Variants in ANKS1B observed in about 807,000 individuals in gnomAD.
The protein encoded by ANKS1B is ankyrin repeat and sterile alpha motif domain-containing protein 1B.
A neutral mutation model predicts 148.3 loss-of-function variants in ANKS1B; 36 were observed. The observed-to-expected ratio is 0.24, with a 90% CI of 0.19 to 0.32. The LOEUF is 0.32. Among genes scored for constraint, ANKS1B ranks in the 10% least tolerant of loss-of-function variants. ANKS1B has a pLI of 1.00. For synonymous variants in ANKS1B, 542 were observed against 560.8 expected, an observed-to-expected ratio of 0.97 and a Z score of 0.47; for missense variants, 1,157 against 1,542.6, an observed-to-expected ratio of 0.75 and a Z score of 4.19.
intron 10 of ANKS1B, among the ~76,000 whole-genome samples, chr12:99,481,496 T>A (rs1338768600): frequency 6.6e-6 from 1 of 152,010 alleles, no homozygotes; most frequent in Admixed American, 6.6e-5. Flanking sequence ...TGTGCTGCTA[T>A]AAACATATGT....
chr12:99,809,020 GGTAC>G (rs2067995036), intron 3 of ANKS1B, among the ~76,000 whole-genome samples: 1 of 152,146 alleles, frequency 6.6e-6, no homozygotes, highest in South Asian at 2.1e-4. Flanking sequence ...CCACAACGGT[GGTAC>G]TTTTACGAGA....
chr12:99,243,999 C>T (rs572208867), intron 14 of ANKS1B, among the ~76,000 whole-genome samples: 1 of 151,806 alleles, frequency 6.6e-6, no homozygotes, highest in East Asian at 1.9e-4. Flanking sequence ...GCACATGTAC[C>T]CTAGCACTTA....
At chr12:99,287,155 T>C (rs2079243217) in intron 12 of ANKS1B, among the ~76,000 whole-genome samples, 3 of 152,138 alleles carry the variant, frequency 2.0e-5, no homozygotes, top group African/African-American at 7.2e-5. Flanking sequence ...ATGGTGACCA[T>C]AGGGGTGCTT....
At chr12:98,904,695 G>A (rs2152800450) in intron 17 of ANKS1B, among the ~76,000 whole-genome samples, 1 of 152,312 alleles carries the variant, frequency 6.6e-6, no homozygotes, top group East Asian at 1.9e-4. Context: ...TGAGCCACAG[G>A]GGATGGGAGT....
intron 10 of ANKS1B, among the ~76,000 whole-genome samples, chr12:99,447,296 A>G (rs1439611731): frequency 3.9e-5 from 6 of 152,028 alleles, no homozygotes; most frequent in Admixed American, 2.0e-4. Flanking sequence ...TTCATCTCAC[A>G]CTATATACAA....
chr12:99,380,796 CCTTCCTTT>C (rs199605311), intron 12 of ANKS1B, among the ~76,000 whole-genome samples: 11,965 of 136,702 alleles, frequency 0.088, 921 homozygotes, highest in East Asian at 0.43. Context: ...TTCCTTCCTT[CCTTCCTTT>C]CTCATGCTCC....
At chr12:98,742,396 A>AAAAAC (rs138820047), downstream of ANKS1B, among the ~76,000 whole-genome samples, 2,624 of 152,152 alleles carry the variant, frequency 0.017, 42 homozygotes, top group East Asian at 0.077. Flanking sequence ...TTTTGGAGAG[A>AAAAAC]AAAACAAAAA....
At chr12:99,696,994 G>T (rs540158354) in intron 8 of ANKS1B, among the ~76,000 whole-genome samples, 2 of 152,308 alleles carry the variant, frequency 1.3e-5, no homozygotes, top group South Asian at 4.1e-4. Context: ...AATACCATAT[G>T]TCACTAGAGA....
chr12:99,949,137 A>G (rs912105096), intron 1 of ANKS1B, among the ~76,000 whole-genome samples: 1 of 152,180 alleles, frequency 6.6e-6, no homozygotes, highest in African/African-American at 2.4e-5. Context: ...TCATATACCA[A>G]GTATATTGTA....
At chr12:99,098,619 CTTTTTTTTTTTTTTTTT>C (rs71081896) in intron 15 of ANKS1B, among the ~76,000 whole-genome samples, 105 of 32,112 alleles carry the variant, frequency 3.3e-3, no homozygotes, top group South Asian at 6.1e-3. Flanking sequence ...CTAGGAACTA[CTTTTTTTTTTTTTTTTT>C]TTTTTTTTTT....
chr12:99,655,315 G>A (rs1484182952), intron 8 of ANKS1B, 105 bp from the exon 9 acceptor site: 1 of 1,036,936 alleles, frequency 9.6e-7, no homozygotes, highest in Non-Finnish European at 1.4e-6. Context: ...CGGCAAACAA[G>A]TCAGCTCACT....
In ANKS1B at chr12:98,879,614, T is replaced by C. The variant is rs3759212; in HGVS notation, c.2779-47478A>G. Among the ~76,000 whole-genome samples, 24 of 152,330 alleles carry C rather than the reference T, an allele frequency of 1.6e-4. No individual in the cohort carries two copies. In the East Asian group the frequency reaches 4.4e-3, roughly 28 times the overall value. ...GTTTTTTTTCCCCTCTCCTCCAATATCAATTCCTATTCCTCTTACGTTTTT... is the reference window on the plus strand; with the variant it reads ...GTTTTTTTTCCCCTCTCCTCCAATACCAATTCCTATTCCTCTTACGTTTTT... On this transcript the variant is annotated intron_variant, in intron 17 of 26. Coordinates refer to ENST00000683438, the MANE Select transcript of ANKS1B (RefSeq NM_001352186.2).
In ANKS1B at chr12:99,468,947, C is replaced by T. The variant is rs550535669; in HGVS notation, c.1439-25138G>A. ...CAGCCATCCCATTACTGGGTATATA[C>T]CCACAGGACTATAAATCATGCTGCT... On this transcript the variant is annotated intron_variant, in intron 10 of 26. Coordinates refer to ENST00000683438, the MANE Select transcript of ANKS1B (RefSeq NM_001352186.2). Among the ~76,000 whole-genome samples the T allele has an allele frequency of 3.5e-3, 530 of 152,222 alleles. 6 individuals carry two copies. Among genetic ancestry groups the T allele is most frequent in the Middle Eastern group, 0.017 (5 of 294 alleles).
At chr12:99,779,763 A>G in intron 6 of ANKS1B, 108 bp downstream of exon 6, 1 of 772,084 alleles carries the variant, frequency 1.3e-6, no homozygotes, top group Non-Finnish European at 2.2e-6. Flanking sequence ...TAAAACTAGT[A>G]AGTTTGTTCA....
chr12:98,912,217 G>T (rs958153059), intron 17 of ANKS1B, among the ~76,000 whole-genome samples: 1 of 152,190 alleles, frequency 6.6e-6, no homozygotes, highest in Non-Finnish European at 1.5e-5. Flanking sequence ...ACTGGTAAAT[G>T]GTAGAGCTGA....
intron 9 of ANKS1B, among the ~76,000 whole-genome samples, chr12:99,635,140 C>T (rs566430920): frequency 6.6e-6 from 1 of 152,210 alleles, no homozygotes; most frequent in Non-Finnish European, 1.5e-5. Context: ...AATTGGAATC[C>T]TTGTGTATCA....
rs188419765 is a variant in ANKS1B, at chr12:99,648,071, G to A, written c.1272+6996C>T. 2.8e-5 allele frequency: 42 copies of A among 1,483,338 alleles called. No homozygotes were observed. The African/African-American group carries it at 5.5e-4, about 19-fold the overall frequency. The allele number at this position is 1,483,338 out of a possible 1,614,324, so 91.9% of individuals were successfully genotyped here. On this transcript the variant is annotated intron_variant, in intron 9 of 26. Transcript: ENST00000683438. ...AAAAGAAAGCCTGCAGAACACGACT[G>A]CTGGCCCACCTGCCAGAGTAGCCAA...
chr12:99,872,595 C>T (rs2153729786), intron 1 of ANKS1B, among the ~76,000 whole-genome samples: 1 of 152,248 alleles, frequency 6.6e-6, no homozygotes, highest in African/African-American at 2.4e-5. Flanking sequence ...TTTATCTATA[C>T]AGCCTTAGTA....
chr12:99,107,090 A>C (rs2059380617), intron 15 of ANKS1B, among the ~76,000 whole-genome samples: 1 of 152,008 alleles, frequency 6.6e-6, no homozygotes, highest in African/African-American at 2.4e-5. Context: ...AAGATATAAA[A>C]ACAATTAATA....
Sources: gnomAD v4.1 joint callset for allele counts (sites outside exome capture counted in the v4.1 genomes callset) on GRCh38, gnomAD v4.1.1 for gene constraint, MANE v1.5 for transcripts, NCBI Gene and HGNC (gene_info 2026-07-23, HGNC 2026-07-21) for gene names.